FRY: variants seen among roughly 807,000 people sequenced by gnomAD.
The protein encoded by FRY is protein furry homolog.
Under a neutral mutation model 348.4 loss-of-function variants are expected in FRY, and 128 were observed. The observed-to-expected ratio is 0.37, with a 90% CI of 0.32 to 0.43. The LOEUF (loss-of-function observed/expected upper bound fraction) is 0.43. FRY is among the 20% of genes least tolerant of loss of function. The pLI, the probability that FRY is intolerant of heterozygous loss-of-function variation, is 1.00. For synonymous variants in FRY, 1,370 were observed against 1,374.7 expected (o/e 1.00, Z 0.08); for missense variants, 2,736 against 3,695.2 (o/e 0.74, Z 6.73).
intron 20 of FRY, 25 bp from the exon 21 acceptor site, chr13:32,178,152 T>TA (rs762989795): frequency 5.3e-5 from 85 of 1,613,830 alleles, no homozygotes; most frequent in Middle Eastern, 3.3e-4. Flanking sequence ...GGGTTTAACT[T>TA]ACAACCTACC....
At chr13:32,202,094 A>G in intron 30 of FRY, 54 bp downstream of exon 30, 1 of 1,075,150 alleles carries the variant, frequency 9.3e-7, no homozygotes, top group Non-Finnish European at 1.5e-6. Flanking sequence ...CAGAAAATAG[A>G]AATGGTAGTT....
intron 1 of FRY, among the ~76,000 whole-genome samples, chr13:32,041,772 G>A (rs1398294278): frequency 6.6e-6 from 1 of 152,192 alleles, no homozygotes; most frequent in Non-Finnish European, 1.5e-5. Flanking sequence ...AATCAGAGAT[G>A]TTTTTGTGTC....
chr13:32,183,917 A>G (rs1354869571), intron 24 of FRY, among the ~76,000 whole-genome samples: 1 of 152,142 alleles, frequency 6.6e-6, no homozygotes, highest in African/African-American at 2.4e-5. Context: ...TAGAAGGATT[A>G]CTTGAGGCTA....
At chr13:32,201,326 C>T (rs1884015989) in intron 29 of FRY, among the ~76,000 whole-genome samples, 1 of 152,124 alleles carries the variant, frequency 6.6e-6, no homozygotes, top group African/African-American at 2.4e-5. Flanking sequence ...ACTTCTCTAC[C>T]CCCCATCTAA....
chr13:32,049,717 G>T (rs1465640025), intron 1 of FRY, among the ~76,000 whole-genome samples: 1 of 152,166 alleles, frequency 6.6e-6, no homozygotes, highest in African/African-American at 2.4e-5. Context: ...AGACAACAAG[G>T]ACTCAAAATA....
Position 32,131,781 on chromosome 13 carries a change from T to A in FRY, c.826T>A (p.Phe276Ile). ...TATCAGCTTAATAATGGGCATGAAA[T>A]TCTTTCGAATTAAGATGTATCCAGT... is the stretch of plus-strand genomic sequence containing the variant. ...SIISLIMGMK[F>I]FRIKMYPVED... Residue 276 changes from phenylalanine (F) to isoleucine (I), a missense_variant, in exon 8 of 61, where the codon TTC (phenylalanine) becomes ATC (isoleucine). Physicochemically the swap from Phe to Ile is conservative, Grantham distance 21. This residue lies in a region of FRY where 309 missense variants were observed against 418.1 expected (regional missense o/e 0.74). Transcript: ENST00000542859. 6.2e-7 allele frequency: 1 copy of A among 1,613,734 alleles called. No homozygotes were observed. Among genetic ancestry groups the A allele is most frequent in the Non-Finnish European group, 8.5e-7 (1 of 1,179,596 alleles).
intron 56 of FRY, 77 bp from the exon 57 acceptor site, chr13:32,276,387 A>C: frequency 1.2e-6 from 1 of 812,866 alleles, no homozygotes; most frequent in South Asian, 1.3e-5. Context: ...TTCTAAATAT[A>C]CTTCTGTTTT....
intron 1 of FRY, among the ~76,000 whole-genome samples, chr13:32,060,355 A>C (rs1022076667): frequency 2.0e-5 from 3 of 152,240 alleles, no homozygotes; most frequent in Non-Finnish European, 4.4e-5. Context: ...AGTTTTTAAC[A>C]AGTCAGTTTA....
At chr13:32,061,753 C>A (rs1403365790) in intron 1 of FRY, among the ~76,000 whole-genome samples, 1 of 152,124 alleles carries the variant, frequency 6.6e-6, no homozygotes, top group Non-Finnish European at 1.5e-5. Context: ...TTAAATGGGT[C>A]CAAATTGCAT....
In FRY at chr13:32,212,472, A is replaced by G. The variant is rs114451914; in HGVS notation, c.4682+90A>G. 403 of 827,176 alleles carry G rather than the reference A, an allele frequency of 4.9e-4. 2 individuals are homozygous for G. The African/African-American group carries it at 6.3e-3, about 13-fold the overall frequency. 51.2% of individuals were successfully genotyped at this position (827,176 alleles called of 1,614,324 possible). On this transcript the variant is annotated intron_variant, in intron 35 of 60. Transcript: ENST00000542859. ...AATACAGGTTTGTGGAGTTTCATAA[A>G]TTTTACACGTACATAAAAATCCTTC...
chr13:32,227,752 T>G (rs935269683), intron 39 of FRY, among the ~76,000 whole-genome samples: 60 of 128,944 alleles, frequency 4.7e-4, no homozygotes, highest in Non-Finnish European at 9.6e-4. Context: ...TTTCACATGG[T>G]TTTTTTTTTT....
intron 3 of FRY, among the ~76,000 whole-genome samples, chr13:32,108,298 G>C (rs1392358209): frequency 1.3e-5 from 2 of 152,162 alleles, no homozygotes; most frequent in African/African-American, 4.8e-5. Context: ...AGATTTATCA[G>C]GTGCCTAAAG....
chr13:32,038,053 C>T (rs1253407812), intron 1 of FRY, among the ~76,000 whole-genome samples: 1 of 152,200 alleles, frequency 6.6e-6, no homozygotes, highest in Non-Finnish European at 1.5e-5. Flanking sequence ...CCTTCAAACA[C>T]ATTACCTCAT....
At chr13:32,210,840 C>T (rs1378457604) in intron 33 of FRY, 26 bp from the exon 34 acceptor site, 1 of 1,606,178 alleles carries the variant, frequency 6.2e-7, no homozygotes. Flanking sequence ...TGTGAAACAT[C>T]CCTTGTTTTC....
intron 29 of FRY, among the ~76,000 whole-genome samples, chr13:32,196,411 T>A (rs986548245): frequency 2.0e-5 from 3 of 152,226 alleles, no homozygotes; most frequent in Non-Finnish European, 4.4e-5. Context: ...TTTTTTTAAA[T>A]GTTCTTGTTG....
chr13:32,227,815 G>C (rs1035861613), intron 39 of FRY, among the ~76,000 whole-genome samples: 1 of 149,586 alleles, frequency 6.7e-6, no homozygotes, highest in East Asian at 2.0e-4. Flanking sequence ...GCAGCGGCGC[G>C]ATCTCAGCTC....
intron 23 of FRY, 105 bp from the exon 24 acceptor site, chr13:32,182,872 A>G: frequency 1.3e-6 from 1 of 741,974 alleles, no homozygotes; most frequent in Non-Finnish European, 2.4e-6. Flanking sequence ...GTCAGAAGCA[A>G]AGTGTAAAAA....
At chr13:32,145,017 G>A (rs1880314146) in intron 11 of FRY, among the ~76,000 whole-genome samples, 1 of 152,182 alleles carries the variant, frequency 6.6e-6, no homozygotes, top group South Asian at 2.1e-4. Context: ...AAAATGAACA[G>A]GGTTCACTTG....
chr13:32,293,201 T>A (rs1213521639), intron 59 of FRY, among the ~76,000 whole-genome samples: 1 of 152,218 alleles, frequency 6.6e-6, no homozygotes. Context: ...GTTTAAATAC[T>A]ACATAAGTTT....
Sources: allele counts gnomAD v4.1 joint callset (sites outside exome capture counted in the v4.1 genomes callset), GRCh38; gene constraint gnomAD v4.1.1; regional missense constraint gnomAD v4.1.1; transcripts MANE v1.5; gene names NCBI Gene and HGNC (gene_info 2026-07-23, HGNC 2026-07-21).